DISC1: variants seen among roughly 807,000 people sequenced by gnomAD.
DISC1 encodes the protein DISC1 scaffold protein.
DISC1 carries 57 observed loss-of-function variants against 84.5 expected under a neutral mutation model. The observed-to-expected ratio is 0.67, with a 90% CI of 0.55 to 0.84. The LOEUF is 0.84. Ranked by LOEUF, DISC1 falls within the 40% of genes least tolerant of loss-of-function variation. DISC1 has a pLI of 0.00. For synonymous variants in DISC1, 411 were observed against 415.2 expected (o/e 0.99, Z 0.12); for missense variants, 1,000 against 1,057.8 (o/e 0.95, Z 0.76).
intron 9 of DISC1, among the ~76,000 whole-genome samples, chr1:231,903,785 G>A (rs2088393809): frequency 6.6e-6 from 1 of 152,174 alleles, no homozygotes; most frequent in African/African-American, 2.4e-5. Context: ...CAAAGAAAAG[G>A]GCAACAGATC....
intron 1 of DISC1, among the ~76,000 whole-genome samples, chr1:231,687,437 A>T (rs187634414): frequency 2.0e-5 from 3 of 151,986 alleles, no homozygotes; most frequent in Non-Finnish European, 4.4e-5. Context: ...ATCAGATCTC[A>T]TGAGACTTAC....
chr1:231,796,022 G>A (rs1289541400), intron 7 of DISC1, among the ~76,000 whole-genome samples: 3 of 152,144 alleles, frequency 2.0e-5, no homozygotes, highest in Non-Finnish European at 4.4e-5. Context: ...AAGCTTTTCA[G>A]TTGGCTTGAC....
chr1:231,899,538 G>A (rs10864701), intron 9 of DISC1, among the ~76,000 whole-genome samples: 17,651 of 152,160 alleles, frequency 0.12, 1,175 homozygotes, highest in East Asian at 0.26. Flanking sequence ...TGCTGCATCT[G>A]GTTTGGATGA....
Position 231,746,279 on chromosome 1 carries a change from G to A in DISC1, c.1118-3647G>A, listed in dbSNP as rs373300858. 9.2e-5 allele frequency among the ~76,000 whole-genome samples: 14 copies of A among 152,274 alleles called. No homozygotes were observed. The South Asian group carries it at 1.5e-3, about 16-fold the overall frequency. ...TCCATTCATGTTGCCAAGAATGACA[G>A]GATTTCATTCTTAATGGCTGAATAG... On this transcript the variant is annotated intron_variant, in intron 3 of 12. Transcript: ENST00000439617.
chr1:231,917,444 A>G (rs2089716223), intron 9 of DISC1, among the ~76,000 whole-genome samples: 1 of 152,240 alleles, frequency 6.6e-6, no homozygotes, highest in African/African-American at 2.4e-5. Context: ...GGAGTGTTTT[A>G]GAGTCTTCAG....
intron 3 of DISC1, among the ~76,000 whole-genome samples, chr1:231,734,004 G>A (rs917221799): frequency 6.6e-6 from 1 of 151,780 alleles, no homozygotes; most frequent in Non-Finnish European, 1.5e-5. Flanking sequence ...ACTGGTGGTG[G>A]TGGTGGCCGT....
At chr1:231,794,732 A>G (rs2078625010) in intron 6 of DISC1, among the ~76,000 whole-genome samples, 1 of 151,828 alleles carries the variant, frequency 6.6e-6, no homozygotes, top group Admixed American at 6.6e-5. Flanking sequence ...AAAGAGAAGC[A>G]GGAGAAGGCT....
intron 9 of DISC1, among the ~76,000 whole-genome samples, chr1:231,834,451 G>A (rs1051419251): frequency 2.6e-5 from 4 of 152,158 alleles, no homozygotes; most frequent in African/African-American, 9.7e-5. Flanking sequence ...AGAATGTCTG[G>A]ACGTCAGGCA....
At chr1:231,991,588 A>C (rs1201990097) in intron 10 of DISC1, among the ~76,000 whole-genome samples, 2 of 152,200 alleles carry the variant, frequency 1.3e-5, no homozygotes, top group Non-Finnish European at 2.9e-5. Context: ...ACAAACCATC[A>C]CAGGGATATC....
intron 9 of DISC1, among the ~76,000 whole-genome samples, chr1:231,827,564 G>C (rs79104991): frequency 3.8e-4 from 58 of 152,288 alleles, no homozygotes; most frequent in African/African-American, 1.3e-3. Context: ...AACAACCCAA[G>C]AGAGATGGTA....
At chr1:231,723,295 G>T in intron 3 of DISC1, 1 of 986,182 alleles carries the variant, frequency 1.0e-6, no homozygotes, top group Non-Finnish European at 1.2e-6. Context: ...AACCCGTGTT[G>T]TTCAAGGGTC....
In DISC1 at chr1:231,958,868, A is replaced by T; in HGVS notation, c.2022A>T (p.Thr674=). The stretch of plus-strand genomic sequence containing the variant: ...AAAATACTATGAAGTACATGGAAAC[A>T]CTTAAGAATAAACTGTGCAGGTAAG... The part of the protein sequence containing the change: ...VKENTMKYME[T]LKNKLCSCKC... The change falls in exon 10 of 13, where the codon ACA becomes ACT. Residue 674 remains threonine, a synonymous_variant. Coordinates refer to ENST00000439617, the MANE Select transcript of DISC1 (RefSeq NM_018662.3). 1 of 1,613,782 alleles carries T rather than the reference A, an allele frequency of 6.2e-7. No homozygotes were observed. The highest frequency in any genetic ancestry group is 8.5e-7 in the Non-Finnish European group (1 of 1,179,826).
chr1:231,649,707 T>A (rs928959033), intron 1 of DISC1, among the ~76,000 whole-genome samples: 1 of 152,220 alleles, frequency 6.6e-6, no homozygotes, highest in African/African-American at 2.4e-5. Flanking sequence ...TCTTTGCAGA[T>A]CTCTAAAGAC....
At chr1:231,646,077 AAC>A (rs2060105502) in intron 1 of DISC1, among the ~76,000 whole-genome samples, 1 of 151,102 alleles carries the variant, frequency 6.6e-6, no homozygotes. Flanking sequence ...TTTTTACAAT[AAC>A]AGTGTTATCA....
Position 231,818,646 on chromosome 1 carries a change from C to T in DISC1, c.1981+129C>T, listed in dbSNP as rs1477021263. ...GCGTCATGGAGCACATGGCCCTTTT[C>T]CTTGGGGACATTTTTGGCAGGTGCC... On this transcript the variant is annotated intron_variant, in intron 9 of 12. Transcript: ENST00000439617. The T allele has an allele frequency of 6.8e-6, 10 of 1,463,166 alleles. No homozygotes were observed. The East Asian group carries it at 2.0e-4, about 29-fold the overall frequency. The allele number at this position is 1,463,166 out of a possible 1,614,324, so 90.6% of individuals were successfully genotyped here.
chr1:231,983,376 G>A (rs2102878936), intron 10 of DISC1, among the ~76,000 whole-genome samples: 1 of 151,242 alleles, frequency 6.6e-6, no homozygotes, highest in East Asian at 2.0e-4. Context: ...GCTGAGTGCT[G>A]GAGAAGCCAC....
At chr1:231,874,449 G>A (rs377168088) in intron 9 of DISC1, among the ~76,000 whole-genome samples, 36 of 151,982 alleles carry the variant, frequency 2.4e-4, no homozygotes, top group African/African-American at 6.7e-4. Context: ...GTGAGCCACC[G>A]CGCCCAGCCA....
At chr1:231,699,424 G>GA (rs548730413) in intron 2 of DISC1, among the ~76,000 whole-genome samples, 102 of 150,768 alleles carry the variant, frequency 6.8e-4, no homozygotes, top group Non-Finnish European at 5.8e-4. Context: ...CAGTGGGTCA[G>GA]AAAAAAAAAC....
chr1:231,906,252 C>T (rs2088629262), intron 9 of DISC1, among the ~76,000 whole-genome samples: 1 of 152,112 alleles, frequency 6.6e-6, no homozygotes. Flanking sequence ...GAACTCCTGA[C>T]CTCAGGTGAT....
Sources: allele counts gnomAD v4.1 joint callset (sites outside exome capture counted in the v4.1 genomes callset), GRCh38; gene constraint gnomAD v4.1.1; transcripts MANE v1.5; gene names NCBI Gene and HGNC (gene_info 2026-07-23, HGNC 2026-07-21).